Variants in ZNHIT6 observed in about 807,000 individuals in gnomAD.
ZNHIT6 encodes zinc finger HIT-type containing 6, also known as box C/D snoRNA protein 1.
In ZNHIT6, 45 loss-of-function variants were observed where a neutral mutation model predicts 57.2. That is an observed-to-expected ratio of 0.79 (90% CI 0.62 to 1.01). The LOEUF (loss-of-function observed/expected upper bound fraction) is 1.01. Ranked by LOEUF, ZNHIT6 falls within the 50% of genes least tolerant of loss-of-function variation. ZNHIT6 has a pLI of 0.00. For synonymous variants in ZNHIT6, 188 were observed against 190.0 expected (o/e 0.99, Z 0.09); for missense variants, 528 against 567.3 (o/e 0.93, Z 0.70).
intron 7 of ZNHIT6, among the ~76,000 whole-genome samples, chr1:85,677,660 A>G (rs1661743398): frequency 1.3e-5 from 2 of 152,250 alleles, no homozygotes; most frequent in Non-Finnish European, 2.9e-5. Flanking sequence ...CAACTATCAT[A>G]GCTATTTTAA....
intron 5 of ZNHIT6, among the ~76,000 whole-genome samples, chr1:85,694,518 G>C (rs1662305637): frequency 6.6e-6 from 1 of 151,594 alleles, no homozygotes; most frequent in Admixed American, 6.6e-5. Flanking sequence ...TTGGAGTGCA[G>C]TTGCACAATC....
chr1:85,672,740 T>TA (rs1661593203), intron 8 of ZNHIT6, among the ~76,000 whole-genome samples: 1 of 151,888 alleles, frequency 6.6e-6, no homozygotes, highest in Non-Finnish European at 1.5e-5. Flanking sequence ...TAAATGTACT[T>TA]AATGGTTTTT....
chr1:85,674,427 C>T (rs1274901260), intron 8 of ZNHIT6, among the ~76,000 whole-genome samples: 2 of 152,044 alleles, frequency 1.3e-5, no homozygotes, highest in African/African-American at 4.8e-5. Flanking sequence ...GAGCCACAGG[C>T]ACCCAGCTAG....
intron 1 of ZNHIT6, 85 bp downstream of exon 1, chr1:85,707,544 C>T (rs1662720597): frequency 7.1e-7 from 1 of 1,409,514 alleles, no homozygotes; most frequent in Non-Finnish European, 9.5e-7. Flanking sequence ...ATTATTCCAC[C>T]TTCTCCTGAT....
Position 85,653,162 on chromosome 1 carries a change from A to C in ZNHIT6, c.*896T>G, listed in dbSNP as rs1438663593. 1 of 152,210 alleles carries C rather than the reference A, an allele frequency of 6.6e-6. No individual in the cohort carries two copies. The highest frequency in any genetic ancestry group is 1.5e-5 in the Non-Finnish European group (1 of 68,042). The allele number at this position is 152,210 out of a possible 1,614,324, so 9.4% of individuals were successfully genotyped here. ...AAGTAGATCCAAATTTGTTATCACT[A>C]ATGGCTCAAACAATGTGGAGCCACT... On this transcript the variant is annotated 3_prime_UTR_variant, in exon 10 of 10. Transcript: ENST00000370574.
At chr1:85,660,440 A>G (rs1557834751) in intron 8 of ZNHIT6, among the ~76,000 whole-genome samples, 1 of 152,154 alleles carries the variant, frequency 6.6e-6, no homozygotes, top group Admixed American at 6.5e-5. Flanking sequence ...TCTTTTTGTA[A>G]TATTAAATCT....
chr1:85,704,866 G>A (rs1055031464), intron 4 of ZNHIT6, among the ~76,000 whole-genome samples: 1 of 152,162 alleles, frequency 6.6e-6, no homozygotes, highest in African/African-American at 2.4e-5. Flanking sequence ...AACACCAGTT[G>A]CCAAATATTC....
At position 85,678,654 on chromosome 1, in the gene ZNHIT6, C is replaced by T. The variant is rs372497028; in HGVS notation, c.1169+47G>A. 133 of 1,278,652 alleles carry T rather than the reference C, an allele frequency of 1.0e-4. No individual in the cohort carries two copies. In the African/African-American group the frequency reaches 1.6e-3, roughly 15 times the overall value. 79.2% of individuals were successfully genotyped at this position (1,278,652 alleles called of 1,614,324 possible). A position where few individuals can be genotyped will look rare whatever the true frequency, so the allele number is the denominator to read the frequency against. On this transcript the variant is annotated intron_variant, in intron 7 of 9. Transcript: ENST00000370574. The stretch of plus-strand genomic sequence containing the variant: ...TCATGGATGACCCTAATAAGTACAT[C>T]AACATTTTTAATTATTTCAGAAAGT...
At chr1:85,670,948 A>G (rs1327127117) in intron 8 of ZNHIT6, among the ~76,000 whole-genome samples, 1 of 152,146 alleles carries the variant, frequency 6.6e-6, no homozygotes, top group Non-Finnish European at 1.5e-5. Flanking sequence ...GATGCCAGGA[A>G]CAGTCAGTCC....
At chr1:85,673,096 T>C (rs774701049) in intron 8 of ZNHIT6, among the ~76,000 whole-genome samples, 107 of 152,224 alleles carry the variant, frequency 7.0e-4, no homozygotes, top group Non-Finnish European at 6.5e-4. Flanking sequence ...GAATAGAAAG[T>C]TGGTAAGAAA....
chr1:85,707,011 C>T (rs1662703472), intron 1 of ZNHIT6, among the ~76,000 whole-genome samples: 1 of 152,144 alleles, frequency 6.6e-6, no homozygotes, highest in Admixed American at 6.5e-5. Flanking sequence ...CCATGTAACC[C>T]ATCATCTGTC....
In ZNHIT6 at chr1:85,707,623, C is replaced by T. The variant is rs752635683; in HGVS notation, c.656+6G>A. The T allele has an allele frequency of 9.1e-6, 14 of 1,539,816 alleles. No homozygotes were observed. The African/African-American group carries it at 1.9e-4, about 21-fold the overall frequency. ...ATTCCCCTAAATGGAATCCCCCATG[C>T]CCTACCTTGACATGGCCAGTTTCCG... On this transcript the variant is annotated splice_donor_region_variant and intron_variant, in intron 1 of 9. Transcript: ENST00000370574.
At position 85,655,035 on chromosome 1, in the gene ZNHIT6, T is replaced by C. The variant is rs143981779; in HGVS notation, c.1373-937A>G. On this transcript the variant is annotated intron_variant, in intron 9 of 9. Coordinates refer to ENST00000370574, the MANE Select transcript of ZNHIT6 (RefSeq NM_017953.4). ...GCTGTTGTACCTAGACTTCAGATTG[T>C]ACCAGCAACCACAATGGTGTTTACT... Among the ~76,000 whole-genome samples, 23 of 152,304 alleles carry C rather than the reference T, an allele frequency of 1.5e-4. No individual in the cohort carries two copies. In the East Asian group the frequency reaches 3.7e-3, roughly 24 times the overall value.
chr1:85,658,778 G>A (rs1661139880), intron 8 of ZNHIT6, among the ~76,000 whole-genome samples: 1 of 151,890 alleles, frequency 6.6e-6, no homozygotes, highest in Admixed American at 6.6e-5. Context: ...GGCTGAGGTG[G>A]GAGAATCGCT....
intron 5 of ZNHIT6, among the ~76,000 whole-genome samples, chr1:85,687,258 T>G (rs1014443720): frequency 2.6e-4 from 25 of 97,790 alleles, no homozygotes; most frequent in African/African-American, 8.7e-4. Flanking sequence ...CTAGCCTGGG[T>G]GACAAGAGTG....
intron 5 of ZNHIT6, among the ~76,000 whole-genome samples, chr1:85,682,169 G>A (rs966102715): frequency 2.5e-4 from 36 of 141,878 alleles, no homozygotes; most frequent in Admixed American, 9.5e-4. Context: ...TCGCCACCAC[G>A]CCCGGCTAAT....
intron 5 of ZNHIT6, among the ~76,000 whole-genome samples, chr1:85,682,178 A>ATTTTTT (rs11394558): frequency 7.7e-6 from 1 of 130,186 alleles, no homozygotes; most frequent in African/African-American, 2.9e-5. Flanking sequence ...CGCCCGGCTA[A>ATTTTTT]TTTTTTTTTT....
At position 85,680,886 on chromosome 1, in the gene ZNHIT6, C is replaced by G. The variant is rs1199806631; in HGVS notation, c.1038G>C (p.Trp346Cys). ...TTTGAGGAAACTGGAGCTTCACATG[C>G]CAACAAAACTGTTGTTTTCTAAGAG... is the stretch of plus-strand genomic sequence containing the variant. The part of the protein sequence containing the change: ...FFDKKKQQFC[W>C]HVKLQFPQSQ... The change falls in exon 6 of 10, where the codon TGG (tryptophan) becomes TGC (cysteine). Residue 346 changes from tryptophan (W) to cysteine (C), a missense_variant. By Grantham distance (215) the Trp-to-Cys change is radical. Coordinates refer to ENST00000370574, the MANE Select transcript of ZNHIT6 (RefSeq NM_017953.4). 6.2e-7 allele frequency: 1 copy of G among 1,612,076 alleles called. No individual in the cohort carries two copies. Among genetic ancestry groups the G allele is most frequent in the Non-Finnish European group, 8.5e-7 (1 of 1,179,092 alleles).
At position 85,678,797 on chromosome 1, in the gene ZNHIT6, A is replaced by G. The variant is rs779953754; in HGVS notation, c.1089-16T>C. On this transcript the variant is annotated splice_polypyrimidine_tract_variant and intron_variant, in intron 6 of 9. Transcript: ENST00000370574. ...ATCTGGTACTCTTTACAACAAAGAA[A>G]AAAAAACAAGCTATATTAGTATTTA... The G allele has an allele frequency of 7.3e-7, 1 of 1,362,590 alleles. No individual in the cohort carries two copies. Among genetic ancestry groups the G allele is most frequent in the East Asian group, 2.5e-5 (1 of 39,850 alleles). 84.4% of individuals were successfully genotyped at this position (1,362,590 alleles called of 1,614,324 possible).
Sources: gnomAD v4.1 joint callset for allele counts (sites outside exome capture counted in the v4.1 genomes callset) on GRCh38, gnomAD v4.1.1 for gene constraint, MANE v1.5 for transcripts, NCBI Gene and HGNC (gene_info 2026-07-23, HGNC 2026-07-21) for gene names.